COL12A1: variants seen among roughly 807,000 people sequenced by gnomAD.
COL12A1 encodes collagen alpha-1(XII) chain.
In COL12A1, 114 loss-of-function variants were observed where a neutral mutation model predicts 349.7. The ratio of observed to expected loss-of-function variants is 0.33; its 90% CI spans 0.28 to 0.38. The LOEUF (loss-of-function observed/expected upper bound fraction) is 0.38, where lower values mean the gene tolerates loss of function less well. COL12A1 is among the 10% of genes least tolerant of loss of function. The probability of loss-of-function intolerance (pLI) is 1.00; values close to 1 mark genes in which losing one functional copy is unlikely to be tolerated. For missense variants in COL12A1, 3,284 were observed against 3,756.9 expected (o/e 0.87, Z 3.29); for synonymous variants, 1,369 against 1,329.0 (o/e 1.03, Z -0.66).
chr6:75,105,332 GA>G (rs757998746), intron 53 of COL12A1, 40 bp from the exon 54 acceptor site: 23 of 1,518,538 alleles, frequency 1.5e-5, no homozygotes, highest in South Asian at 2.3e-5. Context: ...AAATTTAGAG[GA>G]AAAAAATGAC....
chr6:75,182,736 T>A (rs2149464821), intron 10 of COL12A1, among the ~76,000 whole-genome samples: 1 of 152,274 alleles, frequency 6.6e-6, no homozygotes, highest in African/African-American at 2.4e-5. Context: ...GAACACCCCA[T>A]ACATGGGATT....
In COL12A1 at chr6:75,194,966, A is replaced by G. The variant is rs564822630; in HGVS notation, c.74-19T>C. ...GGGTCAACTGCAAAAGAGAGAGTTT[A>G]TATTATTAAACTTTTCAATGTCACA... On this transcript the variant is annotated intron_variant, in intron 2 of 65. Coordinates refer to ENST00000322507, the MANE Select transcript of COL12A1 (RefSeq NM_004370.6). 34 of 1,424,664 alleles carry G rather than the reference A, an allele frequency of 2.4e-5. 1 individual carries two copies. The East Asian group carries it at 4.2e-4, about 17-fold the overall frequency. The allele number at this position is 1,424,664 out of a possible 1,614,324, so 88.3% of individuals were successfully genotyped here. A position where few individuals can be genotyped will look rare whatever the true frequency, so the allele number is the denominator to read the frequency against.
At chr6:75,142,808 T>C (rs1766973533) in intron 26 of COL12A1, among the ~76,000 whole-genome samples, 1 of 152,214 alleles carries the variant, frequency 6.6e-6, no homozygotes. Context: ...GACACCCCTC[T>C]AACAACATAC....
intron 21 of COL12A1, 54 bp downstream of exon 21, chr6:75,151,083 ATTAT>A: frequency 1.1e-6 from 1 of 944,624 alleles, no homozygotes. Flanking sequence ...CAAAAGAATA[ATTAT>A]TTGGCCCAAA....
rs551149571 is a variant in COL12A1, at chr6:75,203,191, G to A, written c.-35-364C>T. Among the ~76,000 whole-genome samples, 23 of 42,982 alleles carry A rather than the reference G, an allele frequency of 5.4e-4. No homozygotes were observed. In the South Asian group the frequency reaches 0.016, roughly 31 times the overall value. 28.2% of individuals were successfully genotyped at this position (42,982 alleles called of 152,430 possible). A position where few individuals can be genotyped will look rare whatever the true frequency, so the allele number is the denominator to read the frequency against. ...CAACTAAATATCTCTTCCAGCTGGG[G>A]ATTTTATTTGACTGCTTTTTTCCTA... On this transcript the variant is annotated intron_variant, in intron 1 of 65. Coordinates refer to ENST00000322507, the MANE Select transcript of COL12A1 (RefSeq NM_004370.6).
intron 59 of COL12A1, among the ~76,000 whole-genome samples, chr6:75,096,504 C>T (rs939393958): frequency 6.6e-6 from 1 of 152,138 alleles, no homozygotes; most frequent in African/African-American, 2.4e-5. Context: ...GTTGAAGACC[C>T]TTTTAGTTGT....
chr6:75,118,169 A>T (rs1007082117), intron 46 of COL12A1, among the ~76,000 whole-genome samples: 1 of 152,230 alleles, frequency 6.6e-6, no homozygotes, highest in Non-Finnish European at 1.5e-5. Context: ...GTGAGAAGCA[A>T]ATATTTATAA....
At chr6:75,099,933 C>T (rs531007432) in intron 58 of COL12A1, among the ~76,000 whole-genome samples, 6 of 152,192 alleles carry the variant, frequency 3.9e-5, no homozygotes, top group East Asian at 3.9e-4. Flanking sequence ...ACTGAGTTCA[C>T]GTTTTGTTTT....
chr6:75,174,946 T>C, intron 13 of COL12A1, 92 bp downstream of exon 13: 4 of 1,396,718 alleles, frequency 2.9e-6, no homozygotes, highest in Non-Finnish European at 3.9e-6. Context: ...GATTGCACAC[T>C]TCTAGATTCA....
intron 1 of COL12A1, among the ~76,000 whole-genome samples, chr6:75,204,306 G>A (rs1208526665): frequency 6.6e-6 from 1 of 152,136 alleles, no homozygotes; most frequent in Non-Finnish European, 1.5e-5. Flanking sequence ...CTCGCGAGAA[G>A]TTAAAGGCGA....
Position 75,177,675 on chromosome 6 carries a change from C to T in COL12A1, c.2425G>A (p.Ala809Thr). ...ATATTTCCTCTACCTTCTTCAGTGG[C>T]TGCATTTCCAGTTAATGGAGTACCA... ...GPGTPLTGNA[A>T]TEEVRGNPRD... The change falls in exon 12 of 66, where the codon GCC (alanine) becomes ACC (threonine). Residue 809 changes from alanine (A) to threonine (T), a missense_variant. Physicochemically the swap from Ala to Thr is moderately conservative, Grantham distance 58. Transcript: ENST00000322507. 6.2e-7 allele frequency: 1 copy of T among 1,614,100 alleles called. No homozygotes were observed. The highest frequency in any genetic ancestry group is 8.5e-7 in the Non-Finnish European group (1 of 1,180,020).
intron 30 of COL12A1, 72 bp downstream of exon 30, chr6:75,138,248 T>A: frequency 7.0e-7 from 1 of 1,427,786 alleles, no homozygotes; most frequent in Non-Finnish European, 9.7e-7. Context: ...ATTATGTATC[T>A]TATGGTACTT....
rs2149319333 is a variant in COL12A1 at position 75,085,382 on chromosome 6, T to G, written c.*1165A>C. The G allele has an allele frequency of 2.2e-6, 1 of 464,782 alleles. No individual in the cohort carries two copies. Among genetic ancestry groups the G allele is most frequent in the South Asian group, 1.6e-5 (1 of 64,090 alleles). 28.8% of individuals were successfully genotyped at this position (464,782 alleles called of 1,614,324 possible). On this transcript the variant is annotated 3_prime_UTR_variant, in exon 66 of 66. Coordinates refer to ENST00000322507, the MANE Select transcript of COL12A1 (RefSeq NM_004370.6). ...CGTAAGGCTCTGTCCGATTCAACAT[T>G]ACAATTATGGCATGATTTGGAAGGC... is the stretch of plus-strand genomic sequence containing the variant.
chr6:75,126,614 G>T, intron 38 of COL12A1, 144 bp from the exon 39 acceptor site: 4 of 960,548 alleles, frequency 4.2e-6, no homozygotes, highest in African/African-American at 1.7e-5. Context: ...CAATTAAAAG[G>T]CATTGAAGTA....
At chr6:75,125,296 A>G in intron 39 of COL12A1, 23 bp from the exon 40 acceptor site, 2 of 1,575,392 alleles carry the variant, frequency 1.3e-6, no homozygotes, top group East Asian at 2.3e-5. Context: ...CCACAAAAAT[A>G]CACAGAAACA....
intron 14 of COL12A1, among the ~76,000 whole-genome samples, chr6:75,157,287 G>A (rs1427656924): frequency 6.6e-6 from 1 of 151,920 alleles, no homozygotes; most frequent in East Asian, 1.9e-4. Context: ...ATTTTATTCA[G>A]TTCAATAATC....
chr6:75,148,988 T>C (rs1403799138), intron 21 of COL12A1, among the ~76,000 whole-genome samples: 1 of 152,138 alleles, frequency 6.6e-6, no homozygotes, highest in African/African-American at 2.4e-5. Context: ...CTCTTTCACT[T>C]GGCTCTCATT....
intron 32 of COL12A1, among the ~76,000 whole-genome samples, chr6:75,134,283 A>G (rs1458360155): frequency 1.3e-5 from 2 of 152,170 alleles, no homozygotes; most frequent in Non-Finnish European, 2.9e-5. Flanking sequence ...AAAAACGATC[A>G]ATATGGCCAG....
At chr6:75,108,366 G>T (rs1768670565) in intron 52 of COL12A1, among the ~76,000 whole-genome samples, 1 of 152,040 alleles carries the variant, frequency 6.6e-6, no homozygotes, top group African/African-American at 2.4e-5. Flanking sequence ...GGGATTATAG[G>T]CATGAGCAAT....
Sources: gnomAD v4.1 joint callset for allele counts (sites outside exome capture counted in the v4.1 genomes callset) on GRCh38, gnomAD v4.1.1 for gene constraint, MANE v1.5 for transcripts, NCBI Gene and HGNC (gene_info 2026-07-23, HGNC 2026-07-21) for gene names.